Variants in GSE1 observed in about 807,000 individuals in gnomAD.
GSE1 encodes the protein genetic suppressor element 1.
Under a neutral mutation model 112.6 loss-of-function variants are expected in GSE1, and 32 were observed. That is an observed-to-expected ratio of 0.28 (90% CI 0.21 to 0.38). The LOEUF (loss-of-function observed/expected upper bound fraction) is 0.38, where lower values mean the gene tolerates loss of function less well. GSE1 is among the 10% of genes least tolerant of loss of function. The pLI, the probability that GSE1 is intolerant of heterozygous loss-of-function variation, is 1.00. For synonymous variants in GSE1, 1,115 were observed against 735.6 expected (o/e 1.52, Z -8.35); for missense variants, 2,348 against 1,699.2 (o/e 1.38, Z -6.71).
chr16:85,645,835 C>T (rs568473028), intron 2 of GSE1, among the ~76,000 whole-genome samples: 9 of 152,114 alleles, frequency 5.9e-5, no homozygotes, highest in South Asian at 2.1e-4. Context: ...GCTTCTACCA[C>T]GCTTCCTATG....
intron 2 of GSE1, among the ~76,000 whole-genome samples, chr16:85,414,341 A>C (rs900312027): frequency 2.0e-5 from 3 of 152,234 alleles, no homozygotes; most frequent in Non-Finnish European, 2.9e-5. Context: ...CATCTATGTC[A>C]ACAACCCACA....
intron 2 of GSE1, among the ~76,000 whole-genome samples, chr16:85,515,300 G>A (rs1019511094): frequency 6.6e-6 from 1 of 152,274 alleles, no homozygotes; most frequent in African/African-American, 2.4e-5. Context: ...GGGGAGCCAG[G>A]AGGGGCCTGG....
chr16:85,350,107 G>A (rs552745066), intron 1 of GSE1, among the ~76,000 whole-genome samples: 1 of 152,322 alleles, frequency 6.6e-6, no homozygotes, highest in South Asian at 2.1e-4. Context: ...ATGATTAAAT[G>A]GGCTGCCGAT....
chr16:85,635,590 G>A (rs566327635), intron 2 of GSE1, among the ~76,000 whole-genome samples: 6 of 152,334 alleles, frequency 3.9e-5, no homozygotes, highest in Middle Eastern at 3.4e-3. Context: ...TCTCCTGAGA[G>A]GGGTGGAGAG....
At chr16:85,186,269 A>G (rs1456582502) in intron 1 of GSE1, among the ~76,000 whole-genome samples, 1 of 152,170 alleles carries the variant, frequency 6.6e-6, no homozygotes, top group Non-Finnish European at 1.5e-5. Context: ...CAGGAGCTCG[A>G]GACCAGCCTG....
At chr16:85,423,572 T>C (rs2048900371) in intron 2 of GSE1, among the ~76,000 whole-genome samples, 1 of 133,356 alleles carries the variant, frequency 7.5e-6, no homozygotes, top group Admixed American at 7.9e-5. Flanking sequence ...TGCACTAACA[T>C]GGGAACCCCA....
chr16:85,218,519 A>T (rs773481007), intron 1 of GSE1, among the ~76,000 whole-genome samples: 3 of 152,228 alleles, frequency 2.0e-5, no homozygotes, highest in Non-Finnish European at 4.4e-5. Flanking sequence ...TCGTAGTGGT[A>T]AAACGCGGCC....
chr16:85,664,854 T>C, intron 11 of GSE1, 161 bp from the exon 12 acceptor site: 2 of 606,284 alleles, frequency 3.3e-6, no homozygotes, highest in Non-Finnish European at 5.9e-6. Flanking sequence ...CGCTTTGAGA[T>C]GGTTGCTTCC....
At position 85,668,222 on chromosome 16, in the gene GSE1, C is replaced by T. The variant is rs764682154; in HGVS notation, c.3213C>T (p.Ser1071=). Reference sequence around the variant, plus strand: ...ACAACATTCCTGAGCTGCAGTCCTCCAGCCGCGCCCCTCCACCCCAGCACA... The same window carrying T: ...ACAACATTCCTGAGCTGCAGTCCTCTAGCCGCGCCCCTCCACCCCAGCACA... The part of the protein sequence containing the change: ...VHYNIPELQS[S]SRAPPPQHNG... The change falls in exon 14 of 16, where the codon TCC becomes TCT. Residue 1071 remains serine, a synonymous_variant. Transcript: ENST00000253458. 6.2e-6 allele frequency: 10 copies of T among 1,610,494 alleles called. No individual in the cohort carries two copies. In the Admixed American group the frequency reaches 1.2e-4, roughly 19 times the overall value.
intron 1 of GSE1, among the ~76,000 whole-genome samples, chr16:85,300,807 T>A (rs1038834578): frequency 2.0e-5 from 3 of 152,190 alleles, no homozygotes; most frequent in African/African-American, 7.2e-5. Flanking sequence ...GTCAAGCCAG[T>A]TGGCCCCGAC....
At chr16:85,410,314 A>G (rs1313335603) in intron 2 of GSE1, among the ~76,000 whole-genome samples, 2 of 49,200 alleles carry the variant, frequency 4.1e-5, no homozygotes, top group Non-Finnish European at 3.4e-5. Context: ...GATAATCCTC[A>G]CTGTTACACT....
At chr16:85,244,448 T>A (rs542371516) in intron 1 of GSE1, among the ~76,000 whole-genome samples, 20 of 152,254 alleles carry the variant, frequency 1.3e-4, no homozygotes, top group Admixed American at 5.9e-4. Flanking sequence ...ACTTCTGACC[T>A]CCAGATGCAT....
intron 2 of GSE1, among the ~76,000 whole-genome samples, chr16:85,538,312 T>C (rs2044402378): frequency 6.6e-6 from 1 of 152,206 alleles, no homozygotes; most frequent in South Asian, 2.1e-4. Flanking sequence ...GTGGCTCAAC[T>C]TGTGGGGAGA....
intron 1 of GSE1, among the ~76,000 whole-genome samples, chr16:85,582,693 T>C (rs1451420398): frequency 6.6e-6 from 1 of 152,068 alleles, no homozygotes; most frequent in Non-Finnish European, 1.5e-5. Flanking sequence ...TGAGCTTCTC[T>C]TCTCCACGGT....
chr16:85,366,887 A>C (rs2047195924), intron 2 of GSE1, among the ~76,000 whole-genome samples: 1 of 152,260 alleles, frequency 6.6e-6, no homozygotes, highest in African/African-American at 2.4e-5. Context: ...TTGGTGATAA[A>C]GATTTTAGAT....
chr16:85,569,957 C>T (rs1220025925), intron 1 of GSE1, among the ~76,000 whole-genome samples: 3 of 152,152 alleles, frequency 2.0e-5, no homozygotes, highest in Non-Finnish European at 2.9e-5. Flanking sequence ...GTGGGGGTTT[C>T]AATCCCCGCC....
intron 1 of GSE1, among the ~76,000 whole-genome samples, chr16:85,267,145 A>G (rs1908329793): frequency 6.6e-6 from 1 of 152,172 alleles, no homozygotes; most frequent in African/African-American, 2.4e-5. Context: ...GCTGAAGGCT[A>G]TCGGAGCAGC....
chr16:85,276,797 C>A (rs1909412010), intron 1 of GSE1, among the ~76,000 whole-genome samples: 3 of 152,180 alleles, frequency 2.0e-5, no homozygotes, highest in Admixed American at 6.5e-5. Context: ...TAGAGATGTG[C>A]TCTCGGCCCC....
intron 2 of GSE1, among the ~76,000 whole-genome samples, chr16:85,646,757 G>A (rs1032769310): frequency 6.6e-6 from 1 of 152,134 alleles, no homozygotes; most frequent in East Asian, 1.9e-4. Flanking sequence ...CACCCCCTGG[G>A]CTTCGTCAGG....
Sources: allele counts gnomAD v4.1 joint callset (sites outside exome capture counted in the v4.1 genomes callset), GRCh38; gene constraint gnomAD v4.1.1; transcripts MANE v1.5; gene names NCBI Gene and HGNC (gene_info 2026-07-23, HGNC 2026-07-21).